Variants in TULP4 observed in about 807,000 individuals in gnomAD.
The protein encoded by TULP4 is TUB like protein 4.
Under a neutral mutation model 129.0 loss-of-function variants are expected in TULP4, and 16 were observed. That is an observed-to-expected ratio of 0.12 (90% CI 0.08 to 0.19). The LOEUF (loss-of-function observed/expected upper bound fraction) is 0.19. Ranked by LOEUF, TULP4 falls within the 10% of genes least tolerant of loss-of-function variation. TULP4 has a pLI of 1.00. For synonymous variants in TULP4, 998 were observed against 854.0 expected (o/e 1.17, Z -2.94); for missense variants, 1,842 against 2,059.1 (o/e 0.89, Z 2.04).
chr6:158,396,144 G>A (rs942927010), intron 1 of TULP4, among the ~76,000 whole-genome samples: 1 of 152,210 alleles, frequency 6.6e-6, no homozygotes, highest in African/African-American at 2.4e-5. Flanking sequence ...ATGCAATAAT[G>A]TTAGTAGAGA....
chr6:158,305,273 G>A (rs1357083660), intron 1 of TULP4, among the ~76,000 whole-genome samples: 1 of 151,626 alleles, frequency 6.6e-6, no homozygotes, highest in Non-Finnish European at 1.5e-5. Flanking sequence ...TTGGTAGCAT[G>A]TACCAGAATT....
At chr6:158,262,357 C>A (rs1358256894) in intron 1 of TULP4, among the ~76,000 whole-genome samples, 1 of 152,114 alleles carries the variant, frequency 6.6e-6, no homozygotes, top group African/African-American at 2.4e-5. Flanking sequence ...TCCTTAGGTT[C>A]AAGTAACTGG....
rs113566679 is a variant in TULP4 at position 158,369,563 on chromosome 6, C to T, written c.253-43502C>T. ...ATGAGGCAGAAATGGGATCCTGAGA[C>T]GCAGAGCATTCATTTGGGTGGAAAA... On this transcript the variant is annotated intron_variant, in intron 1 of 13. Transcript: ENST00000367097. 2.9e-3 allele frequency among the ~76,000 whole-genome samples: 445 copies of T among 152,184 alleles called. 6 individuals carry two copies. The highest frequency in any genetic ancestry group is 9.3e-3 in the African/African-American group (386 of 41,526).
chr6:158,305,902 G>A (rs1158323297), intron 1 of TULP4, among the ~76,000 whole-genome samples: 1 of 152,034 alleles, frequency 6.6e-6, no homozygotes, highest in African/African-American at 2.4e-5. Flanking sequence ...AACTTAATCA[G>A]TTTAGTTACC....
intron 5 of TULP4, among the ~76,000 whole-genome samples, chr6:158,452,583 A>G (rs1194748377): frequency 6.6e-6 from 1 of 152,254 alleles, no homozygotes; most frequent in Non-Finnish European, 1.5e-5. Flanking sequence ...GCATGTCTGC[A>G]CAATAAACGG....
intron 1 of TULP4, among the ~76,000 whole-genome samples, chr6:158,362,892 T>G (rs1379893430): frequency 6.6e-6 from 1 of 151,612 alleles, no homozygotes; most frequent in East Asian, 1.9e-4. Flanking sequence ...AAACCCCATC[T>G]CTACTAAAAA....
intron 2 of TULP4, among the ~76,000 whole-genome samples, chr6:158,424,985 C>A (rs1364072715): frequency 2.0e-5 from 3 of 151,198 alleles, no homozygotes; most frequent in Non-Finnish European, 4.4e-5. Flanking sequence ...AACCCCGTCT[C>A]TACTAAAAAT....
chr6:158,276,917 T>G (rs1196030582), intron 1 of TULP4, among the ~76,000 whole-genome samples: 1 of 152,092 alleles, frequency 6.6e-6, no homozygotes, highest in African/African-American at 2.4e-5. Context: ...GGTCTTCTTT[T>G]TTTTTGGTCT....
chr6:158,354,395 G>A (rs1055844089), intron 1 of TULP4, among the ~76,000 whole-genome samples: 6 of 152,122 alleles, frequency 3.9e-5, no homozygotes, highest in African/African-American at 7.2e-5. Flanking sequence ...ACATTCTGTC[G>A]TACTCACAGG....
chr6:158,391,102 T>C (rs1554286801), intron 1 of TULP4, among the ~76,000 whole-genome samples: 1 of 151,936 alleles, frequency 6.6e-6, no homozygotes, highest in Non-Finnish European at 1.5e-5. Context: ...AAGATGAAAA[T>C]GAAGAAATAA....
intron 1 of TULP4, among the ~76,000 whole-genome samples, chr6:158,322,821 G>T (rs1779668556): frequency 6.6e-6 from 1 of 152,220 alleles, no homozygotes; most frequent in African/African-American, 2.4e-5. Flanking sequence ...AGGGTGAAAC[G>T]TGGACTTCGC....
chr6:158,338,081 C>G (rs879484529), intron 1 of TULP4, among the ~76,000 whole-genome samples: 3 of 152,140 alleles, frequency 2.0e-5, no homozygotes, highest in Admixed American at 6.5e-5. Context: ...TTACTGGTCT[C>G]TATGGTAACA....
chr6:158,302,044 G>A (rs1779140975), intron 1 of TULP4, among the ~76,000 whole-genome samples: 1 of 152,162 alleles, frequency 6.6e-6, no homozygotes, highest in South Asian at 2.1e-4. Flanking sequence ...GTGTAATCCA[G>A]CCTCTTTAAC....
At chr6:158,273,878 G>C (rs1184281696) in intron 1 of TULP4, among the ~76,000 whole-genome samples, 1 of 152,152 alleles carries the variant, frequency 6.6e-6, no homozygotes, top group Non-Finnish European at 1.5e-5. Flanking sequence ...AGATTCATGA[G>C]GTAGATACTG....
intron 1 of TULP4, among the ~76,000 whole-genome samples, chr6:158,252,663 C>T (rs528708292): frequency 2.2e-4 from 34 of 152,148 alleles, no homozygotes; most frequent in Non-Finnish European, 4.6e-4. Context: ...TGTGAGCCAC[C>T]GCGCCCAGCC....
intron 1 of TULP4, among the ~76,000 whole-genome samples, chr6:158,349,111 A>C (rs1780409827): frequency 7.2e-6 from 1 of 138,440 alleles, no homozygotes. Flanking sequence ...AGCCGGGCAG[A>C]GGCGCTCCTC....
chr6:158,251,903 A>C (rs570519251), intron 1 of TULP4, among the ~76,000 whole-genome samples: 7 of 152,328 alleles, frequency 4.6e-5, no homozygotes, highest in African/African-American at 1.4e-4. Context: ...AAGGTTTTAG[A>C]TTCTAGAAGA....
intron 3 of TULP4, among the ~76,000 whole-genome samples, chr6:158,444,051 C>T (rs560303868): frequency 2.2e-4 from 33 of 150,810 alleles, no homozygotes; most frequent in Non-Finnish European, 3.3e-4. Context: ...AACCCCGTCT[C>T]TACTAAAAAA....
intron 1 of TULP4, among the ~76,000 whole-genome samples, chr6:158,406,040 C>G (rs1777971340): frequency 6.6e-6 from 1 of 152,186 alleles, no homozygotes; most frequent in South Asian, 2.1e-4. Context: ...GCTCCTTGGG[C>G]AGGCGTCTCT....
Sources: allele counts gnomAD v4.1 joint callset (sites outside exome capture counted in the v4.1 genomes callset), GRCh38; gene constraint gnomAD v4.1.1; transcripts MANE v1.5; gene names NCBI Gene and HGNC (gene_info 2026-07-23, HGNC 2026-07-21).